Variants in ENPP6 observed in about 807,000 individuals in gnomAD.
The protein encoded by ENPP6 is ectonucleotide pyrophosphatase/phosphodiesterase 6.
In ENPP6, 32 loss-of-function variants were observed where a neutral mutation model predicts 42.0. The ratio of observed to expected loss-of-function variants is 0.76; its 90% CI spans 0.58 to 1.02. The LOEUF is 1.02. Ranked by LOEUF, ENPP6 falls within the 50% of genes least tolerant of loss-of-function variation. The pLI is 0.00. For missense variants in ENPP6, 552 were observed against 566.8 expected (o/e 0.97, Z 0.27); for synonymous variants, 213 against 216.0 (o/e 0.99, Z 0.12).
chr4:184,104,022 C>CT (rs374303995), intron 6 of ENPP6, among the ~76,000 whole-genome samples: 4 of 149,938 alleles, frequency 2.7e-5, no homozygotes, highest in Non-Finnish European at 5.9e-5. Flanking sequence ...CTTTTCTTTT[C>CT]TTTTTTTGAA....
chr4:184,142,691 C>G (rs1341579860), intron 2 of ENPP6, among the ~76,000 whole-genome samples: 1 of 152,246 alleles, frequency 6.6e-6, no homozygotes, highest in African/African-American at 2.4e-5. Flanking sequence ...AAATGACCTA[C>G]TGGGCACACA....
At chr4:184,101,076 C>T (rs1369917002) in intron 6 of ENPP6, among the ~76,000 whole-genome samples, 1 of 151,874 alleles carries the variant, frequency 6.6e-6, no homozygotes, top group Non-Finnish European at 1.5e-5. Flanking sequence ...AGGAGGAGGC[C>T]GAGGGGAGAG....
rs1349173780 is a variant in ENPP6, at chr4:184,091,001, T to G, written c.*176A>C. The G allele has an allele frequency of 8.7e-6, 5 of 576,828 alleles. No homozygotes were observed. The East Asian group carries it at 1.7e-4, about 19-fold the overall frequency. The allele number at this position is 576,828 out of a possible 1,614,324, so 35.7% of individuals were successfully genotyped here. ...CTTCTGGAAAAACAAGGTTTGTATC[T>G]TTTTTAACAAGTAGGAACTTTTATG... On this transcript the variant is annotated 3_prime_UTR_variant, in exon 8 of 8. Coordinates refer to ENST00000296741, the MANE Select transcript of ENPP6 (RefSeq NM_153343.4).
intron 2 of ENPP6, among the ~76,000 whole-genome samples, chr4:184,144,404 C>G (rs1230297527): frequency 6.6e-6 from 1 of 152,138 alleles, no homozygotes; most frequent in African/African-American, 2.4e-5. Context: ...GCAGGGACCT[C>G]GCAGGCGGGA....
At chr4:184,201,737 A>ATT (rs33958112) in intron 1 of ENPP6, among the ~76,000 whole-genome samples, 27,543 of 149,358 alleles carry the variant, frequency 0.18, 2,978 homozygotes, top group Non-Finnish European at 0.26. Flanking sequence ...CTTAGAACAC[A>ATT]TTTTTTTTTT....
intron 1 of ENPP6, among the ~76,000 whole-genome samples, chr4:184,203,614 G>A (rs778304751): frequency 3.9e-5 from 6 of 152,188 alleles, no homozygotes; most frequent in South Asian, 4.1e-4. Flanking sequence ...TGTATCTACC[G>A]GCCAAGGAAT....
chr4:184,150,903 G>T (rs1319551367), intron 2 of ENPP6, among the ~76,000 whole-genome samples: 1 of 152,214 alleles, frequency 6.6e-6, no homozygotes, highest in Admixed American at 6.5e-5. Flanking sequence ...CCCATTAGCT[G>T]TTAGACTGTG....
chr4:184,154,289 T>A (rs1457837225), intron 1 of ENPP6, among the ~76,000 whole-genome samples: 2 of 152,204 alleles, frequency 1.3e-5, no homozygotes, highest in Non-Finnish European at 2.9e-5. Flanking sequence ...ACCCTTCAAA[T>A]GCAGTGTTAT....
At chr4:184,162,684 T>C (rs1737286734) in intron 1 of ENPP6, among the ~76,000 whole-genome samples, 2 of 152,126 alleles carry the variant, frequency 1.3e-5, no homozygotes, top group African/African-American at 4.8e-5. Flanking sequence ...GCCAGTAAAA[T>C]GTGGCATTTT....
chr4:184,203,110 G>C (rs369387739), intron 1 of ENPP6, among the ~76,000 whole-genome samples: 33 of 151,900 alleles, frequency 2.2e-4, no homozygotes, highest in African/African-American at 8.0e-4. Context: ...AAATAGCCAA[G>C]TGTGGGGGCA....
At chr4:184,155,402 G>A (rs4289481) in intron 1 of ENPP6, among the ~76,000 whole-genome samples, 149,244 of 152,344 alleles carry the variant, frequency 0.98, 73,172 homozygotes, top group East Asian at 1. Flanking sequence ...GGCCTCCTTC[G>A]TGGACAGTCT....
intron 7 of ENPP6, among the ~76,000 whole-genome samples, chr4:184,096,773 C>T (rs529053176): frequency 6.2e-4 from 94 of 152,176 alleles, no homozygotes; most frequent in African/African-American, 1.9e-3. Flanking sequence ...TGAGCACATC[C>T]CAGCTTCTGG....
intron 2 of ENPP6, among the ~76,000 whole-genome samples, chr4:184,126,193 A>G (rs140681209): frequency 5.7e-4 from 87 of 152,330 alleles, no homozygotes; most frequent in African/African-American, 1.9e-3. Flanking sequence ...AACAATAAAT[A>G]TGTTTGTTAA....
At chr4:184,169,343 G>A (rs1267393689) in intron 1 of ENPP6, among the ~76,000 whole-genome samples, 1 of 148,362 alleles carries the variant, frequency 6.7e-6, no homozygotes, top group African/African-American at 2.5e-5. Flanking sequence ...GCCGAGCTGG[G>A]AAGAAATGTC....
chr4:184,184,516 G>A lies in ENPP6; in HGVS notation c.242-30783C>T, dbSNP rs1732600322. Among the ~76,000 whole-genome samples the A allele has an allele frequency of 6.6e-6, 1 of 152,122 alleles. No homozygotes were observed. Among genetic ancestry groups the A allele is most frequent in the South Asian group, 2.1e-4 (1 of 4,818 alleles). Reference sequence around the variant, plus strand: ...ATGTGGGAAAGAGATTAAAATATGAGGGAAAGCAAATCGTGGCTCCACAAC... The same window carrying A: ...ATGTGGGAAAGAGATTAAAATATGAAGGAAAGCAAATCGTGGCTCCACAAC... On this transcript the variant is annotated intron_variant, in intron 1 of 7. Coordinates refer to ENST00000296741, the MANE Select transcript of ENPP6 (RefSeq NM_153343.4). This position sits in a 1 kb window ranked among gnomAD's most constrained non-coding sequence, Gnocchi z 4.7.
At chr4:184,149,589 C>T (rs1736988797) in intron 2 of ENPP6, among the ~76,000 whole-genome samples, 1 of 152,164 alleles carries the variant, frequency 6.6e-6, no homozygotes. Flanking sequence ...CAGACCCACA[C>T]CCAACACCAT....
At chr4:184,091,451 A>C in intron 7 of ENPP6, 69 bp from the exon 8 acceptor site, 1 of 1,403,252 alleles carries the variant, frequency 7.1e-7, no homozygotes, top group Non-Finnish European at 9.8e-7. Context: ...GAACGCAATA[A>C]AGAAGAATTA....
chr4:184,217,641 A>C lies in ENPP6; in HGVS notation c.179T>G (p.Val60Gly), dbSNP rs375419361. The part of the protein sequence containing the change: ...FKEIVSRGVK[V>G]DYLTPDFPSL... Reference sequence around the variant, plus strand: ...AGGGAAGTCTGGAGTCAAGTAATCCACTTTTACTCCCCTGCTCACAATCTC... The same window carrying C: ...AGGGAAGTCTGGAGTCAAGTAATCCCCTTTTACTCCCCTGCTCACAATCTC... The change falls in exon 1 of 8, where the codon GTG becomes GGG. Residue 60 changes from valine to glycine, a missense_variant. Val to Gly is a moderately radical substitution (Grantham distance 109). Transcript: ENST00000296741. The C allele has an allele frequency of 5.0e-5, 81 of 1,614,100 alleles. No homozygotes were observed. The highest frequency in any genetic ancestry group is 6.4e-5 in the Non-Finnish European group (76 of 1,180,048).
chr4:184,134,623 T>C (rs1467690831), intron 2 of ENPP6, among the ~76,000 whole-genome samples: 1 of 152,018 alleles, frequency 6.6e-6, no homozygotes, highest in Non-Finnish European at 1.5e-5. Context: ...CTCTCTTTAT[T>C]TCTTTATAAG....
Sources: gnomAD v4.1 joint callset for allele counts (sites outside exome capture counted in the v4.1 genomes callset) on GRCh38, gnomAD v4.1.1 for gene constraint, Gnocchi (gnomAD v3.1) non-coding constraint, MANE v1.5 for transcripts, NCBI Gene and HGNC (gene_info 2026-07-23, HGNC 2026-07-21) for gene names.